Variants in ZNF292 observed in about 807,000 individuals in gnomAD.
The protein encoded by ZNF292 is zinc finger protein 292, also known as 16 zinc-finger domain protein.
ZNF292 carries 26 observed loss-of-function variants against 217.9 expected under a neutral mutation model. The ratio of observed to expected loss-of-function variants is 0.12; its 90% confidence interval spans 0.09 to 0.17. The LOEUF (loss-of-function observed/expected upper bound fraction) is 0.17. Ranked by LOEUF, ZNF292 falls within the 10% of genes least tolerant of loss-of-function variation. The pLI is 1.00. For synonymous variants in ZNF292, 1,257 were observed against 1,124.1 expected, an observed-to-expected ratio of 1.12 and a Z score of -2.37; for missense variants, 2,904 against 3,175.2, an observed-to-expected ratio of 0.91 and a Z score of 2.05.
At chr6:87,227,837 A>G (rs918717084) in intron 4 of ZNF292, among the ~76,000 whole-genome samples, 22 of 152,122 alleles carry the variant, frequency 1.4e-4, no homozygotes, top group Non-Finnish European at 1.5e-5. Context: ...TTATTTATTT[A>G]TCTGTCGTAG....
At chr6:87,176,986 C>A (rs1205910945) in intron 1 of ZNF292, among the ~76,000 whole-genome samples, 1 of 152,090 alleles carries the variant, frequency 6.6e-6, no homozygotes, top group African/African-American at 2.4e-5. Flanking sequence ...TATTCTGATG[C>A]ACCGCCTCCC....
intron 5 of ZNF292, among the ~76,000 whole-genome samples, chr6:87,237,005 A>G (rs1387143254): frequency 6.6e-6 from 1 of 152,226 alleles, no homozygotes; most frequent in Non-Finnish European, 1.5e-5. Context: ...CAAAGAATCA[A>G]CACATTTTAA....
chr6:87,217,674 G>A (rs1318339473), intron 3 of ZNF292, among the ~76,000 whole-genome samples: 1 of 152,024 alleles, frequency 6.6e-6, no homozygotes, highest in Non-Finnish European at 1.5e-5. Context: ...GATTATGAAG[G>A]AAGTAACTCT....
At position 87,255,436 on chromosome 6, in the gene ZNF292, A is replaced by G. The variant is rs754825024; in HGVS notation, c.1807A>G (p.Met603Val). 3.7e-6 allele frequency: 6 copies of G among 1,613,702 alleles called. No homozygotes were observed. Among genetic ancestry groups the G allele is most frequent in the Non-Finnish European group, 5.1e-6 (6 of 1,179,842 alleles). The change falls in exon 8 of 8, where the codon ATG becomes GTG. Residue 603 changes from methionine to valine, a missense_variant. Physicochemically the swap from Met to Val is conservative, Grantham distance 21. Transcript: ENST00000369577. Reference sequence around the variant, plus strand: ...ATCTAGTAAAGAGAGACTAGCAGCTATGAAACCATTAAGAAGATTGGGAAG... The same window carrying G: ...ATCTAGTAAAGAGAGACTAGCAGCTGTGAAACCATTAAGAAGATTGGGAAG... ...KQSSKERLAA[M>V]KPLRRLGRPP...
chr6:87,156,589 C>T (rs543169573), intron 1 of ZNF292, among the ~76,000 whole-genome samples: 25 of 152,334 alleles, frequency 1.6e-4, no homozygotes, highest in African/African-American at 6.0e-4. Flanking sequence ...CACCCCCTCA[C>T]CCCTGTTTCT....
At chr6:87,167,377 A>C (rs1335080102) in intron 1 of ZNF292, among the ~76,000 whole-genome samples, 7 of 152,234 alleles carry the variant, frequency 4.6e-5, no homozygotes, top group Non-Finnish European at 7.3e-5. Context: ...GCAGTGGCTC[A>C]TGCCTGTAAT....
Position 87,260,954 on chromosome 6 carries a change from A to G in ZNF292, c.7325A>G (p.Glu2442Gly). 1 of 1,610,490 alleles carries G rather than the reference A, an allele frequency of 6.2e-7. No individual in the cohort carries two copies. ...CAAGTAAAGGAAACGTCTGAGCAAG[A>G]AGGTGCTAAGAATGATGTGAAAGAT... ...NSQVKETSEQ[E>G]GAKNDVKDSD... The change falls in exon 8 of 8, where the codon GAA (glutamate) becomes GGA (glycine). Residue 2442 changes from glutamate to glycine, a missense_variant. Physicochemically the swap from Glu to Gly is moderately conservative, Grantham distance 98. Around this residue, in one of 15 missense-constraint regions of ZNF292, gnomAD observed 380 missense variants for 355.3 expected, o/e 1.07. Coordinates refer to ENST00000369577, the MANE Select transcript of ZNF292 (RefSeq NM_015021.3).
chr6:87,184,587 T>G (rs1213191251), intron 1 of ZNF292, among the ~76,000 whole-genome samples: 2 of 151,930 alleles, frequency 1.3e-5, no homozygotes, highest in East Asian at 3.9e-4. Flanking sequence ...ATTAGGGTTC[T>G]CCAGAGAGAG....
chr6:87,226,078 C>T (rs1428026363), intron 4 of ZNF292, among the ~76,000 whole-genome samples: 3 of 152,112 alleles, frequency 2.0e-5, no homozygotes, highest in Admixed American at 6.6e-5. Context: ...AAGACAACTC[C>T]CTATTATAGT....
At chr6:87,175,305 A>G (rs1302174110) in intron 1 of ZNF292, among the ~76,000 whole-genome samples, 1 of 151,798 alleles carries the variant, frequency 6.6e-6, no homozygotes, top group Non-Finnish European at 1.5e-5. Context: ...TTACTTTTTC[A>G]TTGCAGTTTG....
intron 1 of ZNF292, among the ~76,000 whole-genome samples, chr6:87,192,834 T>C (rs1374466568): frequency 6.6e-6 from 1 of 152,210 alleles, no homozygotes; most frequent in Non-Finnish European, 1.5e-5. Context: ...AGGAACAGTA[T>C]TGCATTGCAC....
At chr6:87,210,781 AAAAC>A (rs912990015) in intron 1 of ZNF292, among the ~76,000 whole-genome samples, 5 of 151,982 alleles carry the variant, frequency 3.3e-5, no homozygotes, top group African/African-American at 7.2e-5. Context: ...CTCTGTCTCA[AAAAC>A]AAACAAACAA....
Position 87,256,097 on chromosome 6 carries a change from A to G in ZNF292, c.2468A>G (p.Glu823Gly), listed in dbSNP as rs768644337. The G allele has an allele frequency of 3.1e-6, 5 of 1,613,524 alleles. No homozygotes were observed. The Admixed American group carries it at 6.7e-5, about 22-fold the overall frequency. ...GCGKVYRSQG[E>G]LEKHLDDHST... Reference sequence around the variant, plus strand: ...GGTAAAGTTTATCGTTCTCAGGGTGAGCTGGAAAAGCATCTGGATGATCAC... The same window carrying G: ...GGTAAAGTTTATCGTTCTCAGGGTGGGCTGGAAAAGCATCTGGATGATCAC... Residue 823 changes from glutamate (E) to glycine (G), a missense_variant, in exon 8 of 8, where the codon GAG (glutamate) becomes GGG (glycine). Physicochemically the swap from Glu to Gly is moderately conservative, Grantham distance 98. This residue lies in a region of ZNF292 where 687 missense variants were observed against 623.0 expected (regional missense o/e 1.10). Transcript: ENST00000369577.
rs555345250 is a variant in ZNF292 at position 87,229,049 on chromosome 6, A to G, written c.539-4276A>G. 7.9e-5 allele frequency among the ~76,000 whole-genome samples: 12 copies of G among 152,354 alleles called. No individual in the cohort carries two copies. In the South Asian group the frequency reaches 2.3e-3, roughly 29 times the overall value. On this transcript the variant is annotated intron_variant, in intron 4 of 7. Transcript: ENST00000369577. Reference sequence around the variant, plus strand: ...ATATTAAGTCTTATCATCCATGAACACAAGATACCTTCCCAATTATTTATG... The same window carrying G: ...ATATTAAGTCTTATCATCCATGAACGCAAGATACCTTCCCAATTATTTATG...
At chr6:87,224,720 C>T (rs548751365) in intron 4 of ZNF292, among the ~76,000 whole-genome samples, 8 of 152,220 alleles carry the variant, frequency 5.3e-5, no homozygotes, top group South Asian at 2.1e-4. Flanking sequence ...TATCCATTCA[C>T]CTGTTAAAGG....
At chr6:87,230,863 G>T (rs1408660103) in intron 4 of ZNF292, among the ~76,000 whole-genome samples, 1 of 152,034 alleles carries the variant, frequency 6.6e-6, no homozygotes, top group Non-Finnish European at 1.5e-5. Context: ...TTCTTGATAG[G>T]CCCAAATATA....
chr6:87,173,934 T>C (rs991587562), intron 1 of ZNF292: 1 of 199,500 alleles, frequency 5.0e-6, no homozygotes, highest in Non-Finnish European at 1.1e-5. Context: ...GAAGACACTT[T>C]GTTAACTGTA....
chr6:87,216,584 G>A (rs554755203), intron 3 of ZNF292, among the ~76,000 whole-genome samples: 7 of 152,016 alleles, frequency 4.6e-5, no homozygotes, highest in South Asian at 2.1e-4. Flanking sequence ...TTGAATAATC[G>A]TTATGATCAG....
intron 1 of ZNF292, among the ~76,000 whole-genome samples, chr6:87,177,415 T>C (rs1162304702): frequency 1.3e-5 from 2 of 152,228 alleles, no homozygotes; most frequent in African/African-American, 4.8e-5. Context: ...TTGTCAATTT[T>C]ATTCCTGTAC....
Sources: allele counts gnomAD v4.1 joint callset (sites outside exome capture counted in the v4.1 genomes callset), GRCh38; gene constraint gnomAD v4.1.1; regional missense constraint gnomAD v4.1.1; transcripts MANE v1.5; gene names NCBI Gene and HGNC (gene_info 2026-07-23, HGNC 2026-07-21).